ASXL2: variants seen among roughly 807,000 people sequenced by gnomAD.
ASXL2 encodes the protein putative Polycomb group protein ASXL2.
A neutral mutation model predicts 122.0 loss-of-function variants in ASXL2; 23 were observed. The observed-to-expected ratio is 0.19, with a 90% confidence interval of 0.14 to 0.27. ASXL2 has a LOEUF of 0.27. ASXL2 is among the 10% of genes least tolerant of loss of function. The pLI is 1.00. For missense variants in ASXL2, 1,518 were observed against 1,713.8 expected (o/e 0.89, Z 2.02); for synonymous variants, 650 against 637.0 (o/e 1.02, Z -0.31).
intron 8 of ASXL2, 76 bp from the exon 9 acceptor site, chr2:25,759,721 G>A: frequency 1.4e-6 from 2 of 1,437,098 alleles, no homozygotes; most frequent in South Asian, 1.5e-5. Context: ...TTTCTGTGCA[G>A]TATAAAAAAT....
chr2:25,786,804 G>C (rs988655180), intron 5 of ASXL2, among the ~76,000 whole-genome samples: 4 of 151,658 alleles, frequency 2.6e-5, no homozygotes, highest in African/African-American at 9.7e-5. Flanking sequence ...GCAGTGAGCC[G>C]AGATCACACC....
chr2:25,878,247 G>T lies in ASXL2; in HGVS notation c.-25C>A, dbSNP rs754750242. Reference sequence around the variant, plus strand: ...TGTCGGGTCTTGAACTGACTGGGAGGCTCCCGTGTCCGGGCTCCGGCCGCC... The same window carrying T: ...TGTCGGGTCTTGAACTGACTGGGAGTCTCCCGTGTCCGGGCTCCGGCCGCC... On this transcript the variant is annotated 5_prime_UTR_variant, in exon 1 of 13. Transcript: ENST00000435504. 5 of 1,612,798 alleles carry T rather than the reference G, an allele frequency of 3.1e-6. No individual in the cohort carries two copies. The highest frequency in any genetic ancestry group is 4.2e-6 in the Non-Finnish European group (5 of 1,179,292).
Position 25,778,674 on chromosome 2 carries a change from A to G in ASXL2, c.404-7134T>C, listed in dbSNP as rs572275990. Among the ~76,000 whole-genome samples, 21 of 152,262 alleles carry G rather than the reference A, an allele frequency of 1.4e-4. No individual in the cohort carries two copies. The South Asian group carries it at 4.4e-3, about 32-fold the overall frequency. ...TTTAAAAATATATACTTAGCACCCA[A>G]ATCGTCCCATTTTGACCTAGTGGGA... On this transcript the variant is annotated intron_variant, in intron 5 of 12. Transcript: ENST00000435504.
At chr2:25,764,521 C>T (rs922813989) in intron 8 of ASXL2, among the ~76,000 whole-genome samples, 15 of 152,130 alleles carry the variant, frequency 9.9e-5, no homozygotes, top group Admixed American at 5.2e-4. Context: ...TCAAAGCCAT[C>T]CTGGGCCACA....
chr2:25,823,061 C>T, intron 3 of ASXL2: 1 of 444,410 alleles, frequency 2.3e-6, no homozygotes, highest in Non-Finnish European at 4.5e-6. Flanking sequence ...CTGTATTTGC[C>T]TACTTTGACC....
rs145470229 is a variant in ASXL2 at position 25,736,370 on chromosome 2, C to T, written c.*5659G>A. ...CATCTAAATAATGATAAATATGTAC[C>T]AGAAATGGGGAGTCAATCTTTGTAA... On this transcript the variant is annotated 3_prime_UTR_variant, in exon 13 of 13. Coordinates refer to ENST00000435504, the MANE Select transcript of ASXL2 (RefSeq NM_018263.6). 6.0e-4 allele frequency: 92 copies of T among 152,176 alleles called. No homozygotes were observed. Among genetic ancestry groups the T allele is most frequent in the Admixed American group, 3.3e-3 (50 of 15,272 alleles). 9.4% of individuals were successfully genotyped at this position (152,176 alleles called of 1,614,324 possible). A position where few individuals can be genotyped will look rare whatever the true frequency, so the allele number is the denominator to read the frequency against.
At chr2:25,855,488 C>A (rs1194792642) in intron 1 of ASXL2, among the ~76,000 whole-genome samples, 1 of 152,042 alleles carries the variant, frequency 6.6e-6, no homozygotes, top group Non-Finnish European at 1.5e-5. Flanking sequence ...GGCCAACATG[C>A]CAAAACCCCG....
At chr2:25,829,285 C>T in intron 3 of ASXL2, among the ~76,000 whole-genome samples, 1 of 150,040 alleles carries the variant, frequency 6.7e-6, no homozygotes, top group South Asian at 2.1e-4. Context: ...GAGACACATA[C>T]ACATACACAC....
chr2:25,803,119 G>A lies in ASXL2; in HGVS notation c.252+3110C>T, dbSNP rs139555431. Among the ~76,000 whole-genome samples, 1,320 of 148,718 alleles carry A rather than the reference G, an allele frequency of 8.9e-3. 13 individuals are homozygous for A. Among genetic ancestry groups the A allele is most frequent in the Non-Finnish European group, 0.014 (960 of 67,032 alleles). On this transcript the variant is annotated intron_variant, in intron 4 of 12. Transcript: ENST00000435504. The stretch of plus-strand genomic sequence containing the variant: ...TGCAATCCAGCCTGGGCGACAGAGC[G>A]AGACTCCATCTCAAAATGAATGAAT...
intron 5 of ASXL2, among the ~76,000 whole-genome samples, chr2:25,777,245 A>T (rs2088560776): frequency 1.3e-5 from 2 of 151,856 alleles, no homozygotes; most frequent in Non-Finnish European, 2.9e-5. Context: ...GTGTTATCAC[A>T]TCCAGGTAAT....
intron 5 of ASXL2, among the ~76,000 whole-genome samples, chr2:25,792,319 G>A (rs1211591750): frequency 1.3e-5 from 2 of 152,010 alleles, no homozygotes; most frequent in Admixed American, 6.6e-5. Context: ...TAGTTTAAAC[G>A]GAGATATTAC....
intron 1 of ASXL2, among the ~76,000 whole-genome samples, chr2:25,873,351 C>T (rs567765301): frequency 3.3e-5 from 5 of 152,226 alleles, no homozygotes; most frequent in African/African-American, 1.2e-4. Context: ...GCAGAGGTTG[C>T]AGTGAGCCGA....
intron 1 of ASXL2, among the ~76,000 whole-genome samples, chr2:25,851,430 T>C (rs1051601180): frequency 1.3e-5 from 2 of 152,204 alleles, no homozygotes. Context: ...TTACATTAAA[T>C]ATATTGAAAC....
At chr2:25,821,766 A>G (rs1246370128) in intron 3 of ASXL2, among the ~76,000 whole-genome samples, 2 of 152,182 alleles carry the variant, frequency 1.3e-5, no homozygotes, top group African/African-American at 2.4e-5. Flanking sequence ...ATAAATATCC[A>G]CTTATCAAAT....
At chr2:25,777,542 T>C (rs972709400) in intron 5 of ASXL2, among the ~76,000 whole-genome samples, 6 of 151,810 alleles carry the variant, frequency 4.0e-5, no homozygotes, top group Non-Finnish European at 5.9e-5. Flanking sequence ...ACTTGGGAGG[T>C]TGCACTCCAG....
intron 2 of ASXL2, among the ~76,000 whole-genome samples, chr2:25,843,094 A>G (rs1044250484): frequency 2.0e-5 from 3 of 151,286 alleles, no homozygotes; most frequent in African/African-American, 4.9e-5. Flanking sequence ...AGGTCAGGAG[A>G]TCAAGACCAT....
intron 3 of ASXL2, among the ~76,000 whole-genome samples, chr2:25,825,888 T>C (rs925167943): frequency 6.6e-6 from 1 of 152,244 alleles, no homozygotes; most frequent in Non-Finnish European, 1.5e-5. Flanking sequence ...ACTCTCTCTC[T>C]GTTTTCAACA....
intron 1 of ASXL2, among the ~76,000 whole-genome samples, chr2:25,854,584 A>T (rs2089755150): frequency 6.6e-6 from 1 of 152,232 alleles, no homozygotes; most frequent in African/African-American, 2.4e-5. Context: ...AGGTGACAGC[A>T]ATTTGTAGCT....
intron 5 of ASXL2, among the ~76,000 whole-genome samples, chr2:25,778,339 A>T (rs1207546064): frequency 2.0e-5 from 3 of 152,204 alleles, no homozygotes; most frequent in African/African-American, 7.2e-5. Flanking sequence ...AGAGGCAGAG[A>T]CTGGAGTAAT....
Sources: gnomAD v4.1 joint callset for allele counts (sites outside exome capture counted in the v4.1 genomes callset) on GRCh38, gnomAD v4.1.1 for gene constraint, MANE v1.5 for transcripts, NCBI Gene and HGNC (gene_info 2026-07-23, HGNC 2026-07-21) for gene names.